Variants in POU2AF2 observed in about 807,000 individuals in gnomAD.
The protein encoded by POU2AF2 is POU class 2 homeobox associating factor 2, also known as POU domain class 2-associating factor 2.
the POU2AF2 span, among the ~76,000 whole-genome samples, chr11:111,285,383 A>G: frequency 1.3e-5 from 2 of 152,224 alleles, no homozygotes; most frequent in African/African-American, 2.4e-5. Flanking sequence ...ATACATGTGC[A>G]TTTTATTAGT....
the POU2AF2 span, among the ~76,000 whole-genome samples, chr11:111,283,651 G>A: frequency 6.6e-6 from 1 of 152,106 alleles, no homozygotes; most frequent in Non-Finnish European, 1.5e-5. Context: ...CAGACATAGC[G>A]ATCTCAGATA....
At chr11:111,252,158 G>T in the POU2AF2 span, among the ~76,000 whole-genome samples, 1 of 152,138 alleles carries the variant, frequency 6.6e-6, no homozygotes, top group South Asian at 2.1e-4. Context: ...CTCCTTCCCA[G>T]AGTTGTCTAA....
chr11:111,255,719 A>C, the POU2AF2 span, among the ~76,000 whole-genome samples: 1 of 152,234 alleles, frequency 6.6e-6, no homozygotes, highest in Non-Finnish European at 1.5e-5. Flanking sequence ...GACAAGTCAG[A>C]GTACAAGGAA....
chr11:111,274,957 A>G, the POU2AF2 span, among the ~76,000 whole-genome samples: 12 of 152,204 alleles, frequency 7.9e-5, no homozygotes, highest in African/African-American at 2.7e-4. Context: ...AATGAGAATA[A>G]TATTACTTAT....
chr11:111,260,229 A>G, the POU2AF2 span, among the ~76,000 whole-genome samples: 1 of 152,214 alleles, frequency 6.6e-6, no homozygotes. Context: ...AAGTTAAGTT[A>G]GAGAAGTCAT....
At chr11:111,266,726 A>G in the POU2AF2 span, among the ~76,000 whole-genome samples, 44 of 152,356 alleles carry the variant, frequency 2.9e-4, no homozygotes, top group African/African-American at 9.6e-4. Context: ...ATTTTAAAAT[A>G]TATTTCATGT....
At chr11:111,257,551 T>C in the POU2AF2 span, among the ~76,000 whole-genome samples, 14 of 152,060 alleles carry the variant, frequency 9.2e-5, no homozygotes, top group South Asian at 8.3e-4. Flanking sequence ...TTTTTTTGTA[T>C]TTTTAGTAGA....
the POU2AF2 span, among the ~76,000 whole-genome samples, chr11:111,264,551 A>C: frequency 5.5e-5 from 4 of 72,518 alleles, no homozygotes; most frequent in Admixed American, 1.6e-4. Context: ...AAAGAAAGAA[A>C]GAAAGAAAGA....
chr11:111,276,750 G>GAA, the POU2AF2 span, among the ~76,000 whole-genome samples: 2 of 132,812 alleles, frequency 1.5e-5, no homozygotes, highest in African/African-American at 2.8e-5. Flanking sequence ...AAAGTGCTAA[G>GAA]AAAAAAAAAA....
chr11:111,268,539 T>TTTATTTTATTTTATTTTA, the POU2AF2 span, among the ~76,000 whole-genome samples: 1 of 102,098 alleles, frequency 9.8e-6, no homozygotes, highest in African/African-American at 4.7e-5. Context: ...TTTATTTTAT[T>TTTATTTTATTTTATTTTA]TTATTTTATT....
the POU2AF2 span, chr11:111,285,937 G>A: frequency 1.9e-6 from 3 of 1,613,974 alleles, no homozygotes; most frequent in South Asian, 1.1e-5. Flanking sequence ...CGCCCAAGGT[G>A]GGGCCACTCT....
chr11:111,279,538 T>C, the POU2AF2 span, among the ~76,000 whole-genome samples: 2 of 152,198 alleles, frequency 1.3e-5, no homozygotes, highest in South Asian at 2.1e-4. Flanking sequence ...TGGCTTGAGG[T>C]TGTATCACTC....
chr11:111,283,933 A>T, the POU2AF2 span: 4 of 780,996 alleles, frequency 5.1e-6, no homozygotes, highest in African/African-American at 5.2e-5. Context: ...CACGCTTTTC[A>T]AGACATTTCT....
chr11:111,283,045 G>A, the POU2AF2 span, among the ~76,000 whole-genome samples: 1 of 147,526 alleles, frequency 6.8e-6, no homozygotes, highest in African/African-American at 2.5e-5. Flanking sequence ...TCTCCACCAA[G>A]GAAAACTTTT....
the POU2AF2 span, among the ~76,000 whole-genome samples, chr11:111,248,555 C>A: frequency 6.6e-6 from 1 of 152,170 alleles, no homozygotes; most frequent in Non-Finnish European, 1.5e-5. Flanking sequence ...GAGTGTAATT[C>A]GGAGAGACAT....
the POU2AF2 span, among the ~76,000 whole-genome samples, chr11:111,277,599 T>C: frequency 6.6e-6 from 1 of 152,222 alleles, no homozygotes. Context: ...GCTAACATGC[T>C]GAGGGCAAAT....
At chr11:111,266,315 T>C in the POU2AF2 span, among the ~76,000 whole-genome samples, 1 of 152,130 alleles carries the variant, frequency 6.6e-6, no homozygotes, top group Non-Finnish European at 1.5e-5. Flanking sequence ...TTTCTCCTCC[T>C]GACTCAGTAG....
the POU2AF2 span, among the ~76,000 whole-genome samples, chr11:111,273,065 C>A: frequency 6.6e-6 from 1 of 152,084 alleles, no homozygotes; most frequent in African/African-American, 2.4e-5. Context: ...AGATAAGTGG[C>A]CTATAAATCA....
chr11:111,259,232 T>C, the POU2AF2 span, among the ~76,000 whole-genome samples: 1 of 151,992 alleles, frequency 6.6e-6, no homozygotes, highest in African/African-American at 2.4e-5. Context: ...ATGAGTGCAT[T>C]GAGAACAAGA....
Sources: allele counts gnomAD v4.1 joint callset (sites outside exome capture counted in the v4.1 genomes callset), GRCh38; gene constraint gnomAD v4.1.1; transcripts MANE v1.5; gene names NCBI Gene and HGNC (gene_info 2026-07-23, HGNC 2026-07-21).